Variants in PCDH19 observed in about 807,000 individuals in gnomAD.
PCDH19 encodes the protein protocadherin 19, also known as protocadherin-19.
Under a neutral mutation model 46.2 loss-of-function variants are expected in PCDH19, and 6 were observed. The observed-to-expected ratio is 0.13, with a 90% confidence interval of 0.07 to 0.26. PCDH19 has a LOEUF of 0.26. Ranked by LOEUF, PCDH19 falls within the 10% of genes least tolerant of loss-of-function variation. The probability of loss-of-function intolerance (pLI) is 1.00; values close to 1 mark genes in which losing one functional copy is unlikely to be tolerated. For missense variants in PCDH19, 740 were observed against 972.3 expected (o/e 0.76, Z 3.18); for synonymous variants, 481 against 415.7 (o/e 1.16, Z -1.91).
chrX:100,377,724 C>T (rs184236748), intron 3 of PCDH19, among the ~76,000 whole-genome samples: 5 of 111,832 alleles, frequency 4.5e-5, no homozygotes, highest in African/African-American at 1.3e-4. Context: ...TTCGATACTA[C>T]GCAGCACTGA....
At chrX:100,318,914 C>T (rs963886164) in intron 5 of PCDH19, among the ~76,000 whole-genome samples, 1 of 110,912 alleles carries the variant, frequency 9.0e-6, no homozygotes. Context: ...ATATTCTTTC[C>T]CTCTGTGCTT....
chrX:100,302,828 G>A (rs763649440), intron 5 of PCDH19, among the ~76,000 whole-genome samples: 5 of 111,746 alleles, frequency 4.5e-5, no homozygotes, highest in African/African-American at 1.6e-4. Context: ...AAAGCGTCCA[G>A]CACAGAGCTG....
intron 5 of PCDH19, among the ~76,000 whole-genome samples, chrX:100,320,949 C>T (rs1925458309): frequency 9.4e-6 from 1 of 106,467 alleles, no homozygotes; most frequent in Non-Finnish European, 1.9e-5. Flanking sequence ...CCACCCATCC[C>T]CCCAAGTCCC....
chrX:100,399,663 G>A (rs914941423), intron 3 of PCDH19, among the ~76,000 whole-genome samples: 1 of 111,473 alleles, frequency 9.0e-6, no homozygotes, highest in Non-Finnish European at 1.9e-5. Context: ...GGCCTGGTCT[G>A]TATTCAGCTG....
Position 100,408,691 on chromosome X carries a change from T to G in PCDH19, c.-94A>C, listed in dbSNP as rs1456293432. On this transcript the variant is annotated 5_prime_UTR_variant, in exon 1 of 6. Transcript: ENST00000373034. The stretch of plus-strand genomic sequence containing the variant: ...GCTTCCCGCCGGCTCGGGCCGCCTG[T>G]TGCGCGCGCCCCGTGGCCCCGGAGG... 20 of 807,015 alleles carry G rather than the reference T, an allele frequency of 2.5e-5. No homozygotes were observed. Among genetic ancestry groups the G allele is most frequent in the Non-Finnish European group, 5.3e-6 (3 of 566,676 alleles). 66.5% of individuals were successfully genotyped at this position (807,015 alleles called of 1,213,427 possible).
intron 4 of PCDH19, among the ~76,000 whole-genome samples, chrX:100,343,191 TCTCAGGCCTTC>T (rs1043522283): frequency 5.4e-5 from 6 of 111,994 alleles, no homozygotes; most frequent in Non-Finnish European, 1.1e-4. Flanking sequence ...GCTCTCTGGT[TCTCAGGCCTTC>T]AAACTACACT....
At chrX:100,307,620 A>G (rs1373151695) in intron 5 of PCDH19, among the ~76,000 whole-genome samples, 1 of 111,677 alleles carries the variant, frequency 9.0e-6, no homozygotes, top group Non-Finnish European at 1.9e-5. Flanking sequence ...CTGTTTGCTG[A>G]TGATATGATC....
At chrX:100,365,814 C>G (rs1161310224) in intron 3 of PCDH19, among the ~76,000 whole-genome samples, 1 of 112,011 alleles carries the variant, frequency 8.9e-6, no homozygotes, top group African/African-American at 3.2e-5. Flanking sequence ...ATTGGAAACT[C>G]AGGCATGGAT....
At position 100,402,689 on chromosome X, in the gene PCDH19, G is replaced by A. The variant is rs759932441; in HGVS notation, c.2451C>T (p.His817=). 5.0e-6 allele frequency: 6 copies of A among 1,211,886 alleles called. No individual in the cohort carries two copies. The East Asian group carries it at 1.5e-4, about 30-fold the overall frequency. The part of the protein sequence containing the change: ...LTSSLNYFDY[H]QQTLPLGCRR... ...GGCAGCCCAGGGGCAGCGTCTGCTG[G>A]TGGTAGTCAAAATAGTTGAGGGAGG... The change falls in exon 3 of 6, where the codon CAC becomes CAT. Residue 817 remains histidine (H), a synonymous_variant. Transcript: ENST00000373034.
At chrX:100,406,084 T>A (rs1928335835) in intron 1 of PCDH19, among the ~76,000 whole-genome samples, 1 of 110,903 alleles carries the variant, frequency 9.0e-6, no homozygotes, top group South Asian at 3.9e-4. Flanking sequence ...CACCAAGTTG[T>A]GGTAGTTGGT....
At chrX:100,369,605 T>C (rs1483048014) in intron 3 of PCDH19, among the ~76,000 whole-genome samples, 1 of 112,385 alleles carries the variant, frequency 8.9e-6, no homozygotes, top group African/African-American at 3.2e-5. Flanking sequence ...GAAAGTTTAG[T>C]TTTAGTCTCT....
intron 3 of PCDH19, 130 bp from the exon 4 acceptor site, chrX:100,350,834 TGCA>T (rs1192377332): frequency 2.0e-6 from 1 of 505,018 alleles, no homozygotes. Flanking sequence ...AAGGCCACAG[TGCA>T]GCAGCAGCCT....
intron 5 of PCDH19, among the ~76,000 whole-genome samples, chrX:100,300,907 C>G (rs1398667671): frequency 2.1e-5 from 1 of 48,135 alleles, no homozygotes; most frequent in Non-Finnish European, 4.0e-5. Flanking sequence ...TTCCAAAACC[C>G]CTGGCCAAAA....
chrX:100,307,991 G>T (rs1602574257), intron 5 of PCDH19, among the ~76,000 whole-genome samples: 1 of 110,882 alleles, frequency 9.0e-6, no homozygotes, highest in Non-Finnish European at 1.9e-5. Context: ...CAAGTTCAAT[G>T]CAATTCCCAT....
chrX:100,320,874 T>A (rs188858896), intron 5 of PCDH19, among the ~76,000 whole-genome samples: 1 of 108,274 alleles, frequency 9.2e-6, no homozygotes, highest in Non-Finnish European at 1.9e-5. Context: ...GAGATTTTGG[T>A]GCACCCATCA....
chrX:100,363,886 T>TGTGTGTGAGA (rs1207488480), intron 3 of PCDH19, among the ~76,000 whole-genome samples: 14,238 of 97,590 alleles, frequency 0.15, 1,113 homozygotes, highest in Middle Eastern at 0.27. Context: ...TGTGTGTGTG[T>TGTGTGTGAGA]GAGAGAGAGG....
chrX:100,346,141 T>C (rs866476551), intron 4 of PCDH19, among the ~76,000 whole-genome samples: 8 of 111,965 alleles, frequency 7.1e-5, no homozygotes, highest in Middle Eastern at 4.6e-3. Flanking sequence ...GACAGATATG[T>C]TTGAAAACAC....
chrX:100,368,154 A>G (rs1243505362), intron 3 of PCDH19, among the ~76,000 whole-genome samples: 1 of 111,938 alleles, frequency 8.9e-6, no homozygotes, highest in African/African-American at 3.2e-5. Flanking sequence ...ATTAAACCAC[A>G]GAGACTTATT....
At chrX:100,401,010 C>T (rs1243999232) in intron 3 of PCDH19, among the ~76,000 whole-genome samples, 2 of 111,522 alleles carry the variant, frequency 1.8e-5, no homozygotes, top group African/African-American at 6.5e-5. Flanking sequence ...CCCTTAGCAT[C>T]TCTGGACCTC....
Sources: gnomAD v4.1 joint callset for allele counts (sites outside exome capture counted in the v4.1 genomes callset) on GRCh38, gnomAD v4.1.1 for gene constraint, MANE v1.5 for transcripts, NCBI Gene and HGNC (gene_info 2026-07-23, HGNC 2026-07-21) for gene names.